TES: variants seen among roughly 807,000 people sequenced by gnomAD.
The protein encoded by TES is testin LIM domain protein, also known as testin.
In TES, 41 loss-of-function variants were observed where a neutral mutation model predicts 48.2. That is an observed-to-expected ratio of 0.85 (90% CI 0.66 to 1.10). The LOEUF is 1.10. Ranked by LOEUF, TES falls within the 50% of genes least tolerant of loss-of-function variation. The pLI, the probability that TES is intolerant of heterozygous loss-of-function variation, is 0.00. For missense variants in TES, 463 were observed against 515.1 expected, an observed-to-expected ratio of 0.90 and a Z score of 0.98; for synonymous variants, 162 against 174.9, an observed-to-expected ratio of 0.93 and a Z score of 0.58.
intron 1 of TES, among the ~76,000 whole-genome samples, chr7:116,234,125 C>T (rs1376792754): frequency 6.6e-6 from 1 of 151,994 alleles, no homozygotes; most frequent in Admixed American, 6.6e-5. Context: ...TTCCTAAAAT[C>T]TTTAATTCCT....
chr7:116,251,785 T>G lies in TES; in HGVS notation c.728T>G (p.Met243Arg). The G allele has an allele frequency of 6.2e-7, 1 of 1,614,098 alleles. No individual in the cohort carries two copies. Among genetic ancestry groups the G allele is most frequent in the South Asian group, 1.1e-5 (1 of 91,082 alleles). Reference sequence around the variant, plus strand: ...TCCTGCTATTGCTGCAAACTGAGTATGAAAGAAGGTGACCCAGCCATCTAT... The same window carrying G: ...TCCTGCTATTGCTGCAAACTGAGTAGGAAAGAAGGTGACCCAGCCATCTAT... ...QYSCYCCKLS[M>R]KEGDPAIYAE... Residue 243 changes from methionine to arginine, a missense_variant, in exon 5 of 7, where the codon ATG (methionine) becomes AGG (arginine). Met to Arg is a moderately conservative substitution (Grantham distance 91). Transcript: ENST00000358204.
At chr7:116,220,263 A>G (rs1044443003) in intron 1 of TES, among the ~76,000 whole-genome samples, 15 of 152,198 alleles carry the variant, frequency 9.9e-5, no homozygotes, top group African/African-American at 3.6e-4. Flanking sequence ...GCCTAACTCC[A>G]CAGCTCTTTT....
intron 6 of TES, among the ~76,000 whole-genome samples, chr7:116,254,473 C>T (rs75516825): frequency 0.21 from 32,002 of 151,912 alleles, 3,776 homozygotes; most frequent in East Asian, 0.43. Flanking sequence ...TGGTGGCTCA[C>T]GCCTGTAATC....
intron 6 of TES, among the ~76,000 whole-genome samples, chr7:116,256,796 CTG>C (rs1469455678): frequency 6.6e-6 from 1 of 152,140 alleles, no homozygotes; most frequent in Non-Finnish European, 1.5e-5. Flanking sequence ...TTCTCAAACA[CTG>C]TCAGTATTTT....
At chr7:116,227,083 TTTTATTTTA>T (rs1799630223) in intron 1 of TES, among the ~76,000 whole-genome samples, 2 of 147,120 alleles carry the variant, frequency 1.4e-5, no homozygotes, top group South Asian at 4.3e-4. Flanking sequence ...AACCTACACT[TTTTATTTTA>T]TTTATTTATT....
At chr7:116,248,102 A>G (rs1049832718) in intron 2 of TES, among the ~76,000 whole-genome samples, 6 of 152,252 alleles carry the variant, frequency 3.9e-5, no homozygotes, top group Non-Finnish European at 7.3e-5. Context: ...TTCACTTAAG[A>G]TAATGACTTC....
chr7:116,222,086 T>C (rs1799563875), intron 1 of TES, among the ~76,000 whole-genome samples: 1 of 152,146 alleles, frequency 6.6e-6, no homozygotes, highest in Non-Finnish European at 1.5e-5. Context: ...TTCTTTTTTT[T>C]CCAGAATAAG....
intron 1 of TES, among the ~76,000 whole-genome samples, chr7:116,215,758 G>T (rs530898283): frequency 6.6e-6 from 1 of 152,230 alleles, no homozygotes; most frequent in African/African-American, 2.4e-5. Flanking sequence ...CTCGTGTTGA[G>T]CTCTGCAGTT....
intron 1 of TES, among the ~76,000 whole-genome samples, chr7:116,223,540 AGT>A (rs914645367): frequency 5.3e-5 from 8 of 152,164 alleles, no homozygotes; most frequent in Admixed American, 5.2e-4. Flanking sequence ...CTGTAACACA[AGT>A]GTGTGTGTAT....
At chr7:116,213,453 T>C (rs999886001) in intron 1 of TES, among the ~76,000 whole-genome samples, 4 of 152,266 alleles carry the variant, frequency 2.6e-5, no homozygotes, top group Non-Finnish European at 5.9e-5. Context: ...AAAAGCATCA[T>C]TGTTCCACAT....
At position 116,212,764 on chromosome 7, in the gene TES, A is replaced by G. The variant is rs183662703; in HGVS notation, c.27+2030A>G. On this transcript the variant is annotated intron_variant, in intron 1 of 6. Transcript: ENST00000358204. ...TTATGATAAATAATGCCCTTGACAT[A>G]TGGTGTAATTTTCCTCGTTTATCCC... is the stretch of plus-strand genomic sequence containing the variant. 8.5e-5 allele frequency among the ~76,000 whole-genome samples: 13 copies of G among 152,290 alleles called. No individual in the cohort carries two copies. In the East Asian group the frequency reaches 2.3e-3, roughly 27 times the overall value.
chr7:116,242,926 C>A (rs765660960), intron 2 of TES, among the ~76,000 whole-genome samples: 1 of 152,054 alleles, frequency 6.6e-6, no homozygotes, highest in East Asian at 1.9e-4. Context: ...TGCTTTCTTG[C>A]TTCACATCTT....
At position 116,228,998 on chromosome 7, in the gene TES, CTATATATATATATATATATA is replaced by C. The variant is rs58514364; in HGVS notation, c.28-5519_28-5500del. Among the ~76,000 whole-genome samples, 6 of 110,158 alleles carry C rather than the reference CTATATATATATATATATATA, an allele frequency of 5.4e-5. No homozygotes were observed. In the East Asian group the frequency reaches 1.1e-3, roughly 20 times the overall value. The allele number at this position is 110,158 out of a possible 152,430, so 72.3% of individuals were successfully genotyped here. A position where few individuals can be genotyped will look rare whatever the true frequency, so the allele number is the denominator to read the frequency against. ...CCCGTTAGCTCTCTAGTATCTATAA[CTATATATATATATATATATA>C]TATATATATATATATAATCATTTCC... On this transcript the variant is annotated intron_variant, in intron 1 of 6. Coordinates refer to ENST00000358204, the MANE Select transcript of TES (RefSeq NM_015641.4).
intron 2 of TES, among the ~76,000 whole-genome samples, chr7:116,235,933 A>G (rs966657408): frequency 2.0e-5 from 3 of 152,242 alleles, no homozygotes; most frequent in African/African-American, 7.2e-5. Context: ...AAAATAGGAA[A>G]GTCAGTAGAA....
intron 4 of TES, 66 bp from the exon 5 acceptor site, chr7:116,251,694 A>T: frequency 9.8e-7 from 1 of 1,021,414 alleles, no homozygotes; most frequent in Non-Finnish European, 1.3e-6. Flanking sequence ...AAAAAAAAAA[A>T]AGAAAGAAAG....
chr7:116,227,618 C>T (rs1025137908), intron 1 of TES, among the ~76,000 whole-genome samples: 1 of 152,032 alleles, frequency 6.6e-6, no homozygotes, highest in African/African-American at 2.4e-5. Context: ...TTCCTTTGTC[C>T]AGAATATTTA....
chr7:116,245,523 G>A lies in TES; in HGVS notation c.114-3497G>A, dbSNP rs182189151. 1.1e-4 allele frequency among the ~76,000 whole-genome samples: 17 copies of A among 152,218 alleles called. No individual in the cohort carries two copies. In the South Asian group the frequency reaches 2.3e-3, roughly 20 times the overall value. ...CATTCAACAAGTCTCTAGGAAGTTC[G>A]AAACTTTCCCACATCTTCCTGTCTT... On this transcript the variant is annotated intron_variant, in intron 2 of 6. Transcript: ENST00000358204.
chr7:116,210,838 G>A (rs1259665720), intron 1 of TES, 104 bp downstream of exon 1: 2 of 1,040,158 alleles, frequency 1.9e-6, no homozygotes, highest in East Asian at 3.6e-5. Context: ...GGGCCCCCCG[G>A]TGTGAGCCCG....
At chr7:116,222,007 G>A (rs577529161) in intron 1 of TES, among the ~76,000 whole-genome samples, 1 of 152,230 alleles carries the variant, frequency 6.6e-6, no homozygotes, top group South Asian at 2.1e-4. Flanking sequence ...TACATCAAAA[G>A]TTAAAACATG....
Sources: allele counts gnomAD v4.1 joint callset (sites outside exome capture counted in the v4.1 genomes callset), GRCh38; gene constraint gnomAD v4.1.1; transcripts MANE v1.5; gene names NCBI Gene and HGNC (gene_info 2026-07-23, HGNC 2026-07-21).